Variants in SCNN1D observed in about 807,000 individuals in gnomAD.
SCNN1D encodes sodium channel epithelial 1 subunit delta, also known as epithelial sodium channel subunit delta.
In SCNN1D, 104 loss-of-function variants were observed where a neutral mutation model predicts 87.8. That is an observed-to-expected ratio of 1.18 (90% CI 1.01 to 1.39). SCNN1D has a LOEUF of 1.39. Among genes scored for constraint, SCNN1D ranks in the 40% most tolerant of loss-of-function variants. The pLI, the probability that SCNN1D is intolerant of heterozygous loss-of-function variation, is 0.00. For synonymous variants in SCNN1D, 628 were observed against 481.2 expected, an observed-to-expected ratio of 1.31 and a Z score of -3.99; for missense variants, 1,324 against 1,093.9, an observed-to-expected ratio of 1.21 and a Z score of -2.97.
chr1:1,290,963 C>T lies in SCNN1D; in HGVS notation c.1976+10C>T, dbSNP rs1459546387. Reference sequence around the variant, plus strand: ...AGAGCCACAGACAGAGGTGGGTGCACCCTCCCCCTCCAGAGAGGCATCACA... The same window carrying T: ...AGAGCCACAGACAGAGGTGGGTGCATCCTCCCCCTCCAGAGAGGCATCACA... On this transcript the variant is annotated intron_variant, in intron 16 of 17. Transcript: ENST00000379116. 5 of 1,602,880 alleles carry T rather than the reference C, an allele frequency of 3.1e-6. No homozygotes were observed. Among genetic ancestry groups the T allele is most frequent in the South Asian group, 1.1e-5 (1 of 89,608 alleles).
chr1:1,288,037 G>A lies in SCNN1D; in HGVS notation c.1662G>A (p.Gln554=). ...ELLHNTSYTR[Q]ACLVSCFQQL... ...TACACAACACCTCCTACACCAGGCA[G>A]GTGAGGCTGGGCTGGCAGGGGGTGC... The change falls in exon 12 of 18, where the codon CAG becomes CAA. Residue 554 remains glutamine, a splice_region_variant and synonymous_variant. Transcript: ENST00000379116. The A allele has an allele frequency of 6.5e-7, 1 of 1,533,476 alleles. No homozygotes were observed. The highest frequency in any genetic ancestry group is 8.8e-7 in the Non-Finnish European group (1 of 1,137,404). The allele number at this position is 1,533,476 out of a possible 1,614,324, so 95.0% of individuals were successfully genotyped here.
rs1442972645 is a variant in SCNN1D at position 1,290,335 on chromosome 1, AC to A, written c.1730del (p.Pro577LeufsTer70). 1 of 1,595,790 alleles carries A rather than the reference AC, an allele frequency of 6.3e-7. No homozygotes were observed. Among genetic ancestry groups the A allele is most frequent in the Non-Finnish European group, 8.5e-7 (1 of 1,169,592 alleles). On this transcript the variant is annotated frameshift_variant, in exon 13 of 18. Transcript: ENST00000379116. LOFTEE classifies it high-confidence loss of function. ...ACCTGCTCCTGTGGCTACTACCTCC[AC>A]CCTCTGCCGGCGGGGGCTGAGTACT... ...VETCSCGYYL[H>X]PLPAGAEYCS...
intron 12 of SCNN1D, among the ~76,000 whole-genome samples, chr1:1,288,270 CCG>C (rs1640665078): frequency 9.8e-6 from 1 of 101,958 alleles, no homozygotes; most frequent in African/African-American, 6.3e-5. Flanking sequence ...TGTCTCTGCT[CCG>C]TCCCCCGAGT....
chr1:1,290,550 C>T lies in SCNN1D; in HGVS notation c.1854C>T (p.Pro618=), dbSNP rs137990857. ...CCTGTACCTCCCGCTGCCCCAGGCC[C>T]TGCAGGTGAGACGGGGGTGTTGGGG... The part of the protein sequence containing the change: ...RLPCTSRCPR[P]CRESAFKLST... Residue 618 remains proline, a synonymous_variant, in exon 14 of 18, where the codon CCC becomes CCT. Transcript: ENST00000379116. 9.3e-6 allele frequency: 15 copies of T among 1,612,698 alleles called. No individual in the cohort carries two copies. The highest frequency in any genetic ancestry group is 6.6e-5 in the South Asian group (6 of 91,092).
intron 15 of SCNN1D, 37 bp from the exon 16 acceptor site, chr1:1,290,857 TG>T (rs767577053): frequency 1.2e-6 from 2 of 1,604,410 alleles, no homozygotes; most frequent in Admixed American, 3.4e-5. Context: ...GCCGGGGGCA[TG>T]GGGGAGCCGT....
chr1:1,286,651 C>T, intron 7 of SCNN1D, 117 bp from the exon 8 acceptor site: 2 of 1,007,112 alleles, frequency 2.0e-6, no homozygotes, highest in Admixed American at 2.4e-5. Context: ...GTCCAGCTCA[C>T]CCCACTGGGC....
In SCNN1D at chr1:1,291,755, C is replaced by A. The variant is rs895899851; in HGVS notation, c.*145C>A. On this transcript the variant is annotated 3_prime_UTR_variant, in exon 18 of 18. Coordinates refer to ENST00000379116, the MANE Select transcript of SCNN1D (RefSeq NM_001130413.4). ...GTGGGGAGGCAGGCACCGGGCATGTCGGCGCCTCTGGTCAAACCACCTACA... is the reference window on the plus strand; with the variant it reads ...GTGGGGAGGCAGGCACCGGGCATGTAGGCGCCTCTGGTCAAACCACCTACA... 5.2e-6 allele frequency: 3 copies of A among 581,432 alleles called. No individual in the cohort carries two copies. Among genetic ancestry groups the A allele is most frequent in the Non-Finnish European group, 5.7e-6 (2 of 352,530 alleles). 36.0% of individuals were successfully genotyped at this position (581,432 alleles called of 1,614,324 possible). A position where few individuals can be genotyped will look rare whatever the true frequency, so the allele number is the denominator to read the frequency against.
At chr1:1,290,220 C>CCGTGTCTCTGCTCCGT (rs777188089) in intron 12 of SCNN1D, 51 bp from the exon 13 acceptor site, 2 of 1,352,564 alleles carry the variant, frequency 1.5e-6, no homozygotes, top group Non-Finnish European at 2.0e-6. Context: ...CTGCCCCGTC[C>CCGTGTCTCTGCTCCGT]CCCATGTCTC....
chr1:1,285,954 G>T lies in SCNN1D; in HGVS notation c.587G>T (p.Gly196Val). The stretch of plus-strand genomic sequence containing the variant: ...GCAGCCCAGACGCCCCCCAGGCCGG[G>T]GCCACCATCAGCACCACCACCACCA... The part of the protein sequence containing the change: ...QAAAQTPPRP[G>V]PPSAPPPPPK... The change falls in exon 7 of 18, where the codon GGG (glycine) becomes GTG (valine). Residue 196 changes from glycine (G) to valine (V), a missense_variant. Physicochemically the swap from Gly to Val is moderately radical, Grantham distance 109 (BLOSUM62 -3). Transcript: ENST00000379116. 6.4e-7 allele frequency: 1 copy of T among 1,558,898 alleles called. No individual in the cohort carries two copies.
In SCNN1D at chr1:1,291,452, G is replaced by A. The variant is rs1175862836; in HGVS notation, c.2251G>A (p.Glu751Lys). The A allele has an allele frequency of 6.2e-7, 1 of 1,608,298 alleles. No homozygotes were observed. Among genetic ancestry groups the A allele is most frequent in the African/African-American group, 1.3e-5 (1 of 74,850 alleles). Reference sequence around the variant, plus strand: ...CTCAGGGGCGTCCAGCATCAAGCCAGAGGCCAGTCAGATGCCCCCGCCTGC... The same window carrying A: ...CTCAGGGGCGTCCAGCATCAAGCCAAAGGCCAGTCAGATGCCCCCGCCTGC... ...PASGASSIKP[E>K]ASQMPPPAGG... Residue 751 changes from glutamate (E) to lysine (K), a missense_variant, in exon 18 of 18, where the codon GAG becomes AAG. Transcript: ENST00000379116.
rs1570606001 is a variant in SCNN1D at position 1,286,912 on chromosome 1, C to T, written c.1056C>T (p.Asp352=). 6.2e-7 allele frequency: 1 copy of T among 1,612,560 alleles called. No homozygotes were observed. Among genetic ancestry groups the T allele is most frequent in the African/African-American group, 1.3e-5 (1 of 75,014 alleles). ...GCCACGAGCCCCCCTTCCACCTGGACCGGGAGATCCGTCTGCAGAGGCTGA... is the reference window on the plus strand; with the variant it reads ...GCCACGAGCCCCCCTTCCACCTGGATCGGGAGATCCGTCTGCAGAGGCTGA... The part of the protein sequence containing the change: ...VPRHEPPFHL[D]REIRLQRLSH... Residue 352 remains aspartate, a synonymous_variant, in exon 8 of 18, where the codon GAC becomes GAT. Transcript: ENST00000379116.
At chr1:1,286,330 CT>C (rs763580805) in intron 7 of SCNN1D, 52 bp downstream of exon 7, 7 of 1,393,076 alleles carry the variant, frequency 5.0e-6, no homozygotes, top group Non-Finnish European at 6.8e-6. Context: ...CTCCTTGCCC[CT>C]GTGACCGTCT....
chr1:1,290,819 C>T, intron 15 of SCNN1D, 76 bp from the exon 16 acceptor site: 2 of 1,583,640 alleles, frequency 1.3e-6, no homozygotes, highest in Non-Finnish European at 1.7e-6. Flanking sequence ...GGTCTCTGCC[C>T]CCACATCCGC....
At chr1:1,288,562 CT>C in intron 12 of SCNN1D, among the ~76,000 whole-genome samples, 3 of 49,596 alleles carry the variant, frequency 6.0e-5, no homozygotes, top group Non-Finnish European at 7.5e-5. Context: ...CGTGTCTCTG[CT>C]CCGTCCCCCG....
In SCNN1D at chr1:1,285,913, A is replaced by G. The variant is rs766340335; in HGVS notation, c.559-13A>G. ...GTGCAGGCCGGGCCCTGCTGAGGCC[A>G]CTCTGCACACAGGCTGCAGCCCAGA... is the stretch of plus-strand genomic sequence containing the variant. On this transcript the variant is annotated splice_polypyrimidine_tract_variant and intron_variant, in intron 6 of 17. Coordinates refer to ENST00000379116, the MANE Select transcript of SCNN1D (RefSeq NM_001130413.4). The G allele has an allele frequency of 2.2e-5, 34 of 1,538,846 alleles. No individual in the cohort carries two copies. In the South Asian group the frequency reaches 2.7e-4, roughly 12 times the overall value.
chr1:1,284,608 G>T (rs1298554918), intron 5 of SCNN1D, among the ~76,000 whole-genome samples: 10 of 151,642 alleles, frequency 6.6e-5, no homozygotes, highest in African/African-American at 9.7e-5. Context: ...ACCACGGGGG[G>T]TGCCGAGCGT....
At chr1:1,288,656 T>C (rs1428081621) in intron 12 of SCNN1D, among the ~76,000 whole-genome samples, 1 of 121,560 alleles carries the variant, frequency 8.2e-6, no homozygotes, top group Non-Finnish European at 1.7e-5. Flanking sequence ...CCCGTGTCTC[T>C]GCTCCGTCCC....
At chr1:1,285,879 C>A in intron 6 of SCNN1D, 47 bp from the exon 7 acceptor site, 1 of 1,494,650 alleles carries the variant, frequency 6.7e-7, no homozygotes. Context: ...GGTAGGGAGG[C>A]CTGAGTGGGT....
chr1:1,282,125 C>T (rs1640482267), intron 3 of SCNN1D, 117 bp from the exon 4 acceptor site: 1 of 671,164 alleles, frequency 1.5e-6, no homozygotes, highest in Non-Finnish European at 2.7e-6. Flanking sequence ...AGCAAGCCCC[C>T]TGCCGCGAGC....
Sources: gnomAD v4.1 joint callset for allele counts (sites outside exome capture counted in the v4.1 genomes callset) on GRCh38, gnomAD v4.1.1 for gene constraint, MANE v1.5 for transcripts, NCBI Gene and HGNC (gene_info 2026-07-23, HGNC 2026-07-21) for gene names.